The following ASPM variants were observed in gnomAD, a reference collection of about 807,000 sequenced individuals.
ASPM encodes the protein abnormal spindle-like microcephaly-associated protein.
A neutral mutation model predicts 366.4 loss-of-function variants in ASPM; 256 were observed. That is an observed-to-expected ratio of 0.70 (90% confidence interval 0.63 to 0.77). ASPM has a LOEUF of 0.77. ASPM is among the 30% of genes least tolerant of loss of function. ASPM has a pLI of 0.00. For missense variants in ASPM, 4,146 were observed against 4,090.4 expected (o/e 1.01, Z -0.37); for synonymous variants, 1,414 against 1,342.9 (o/e 1.05, Z -1.16).
rs1657243764 is a variant in ASPM at position 197,102,834 on chromosome 1, C to T, written c.6417G>A (p.Met2139Ile). The T allele has an allele frequency of 6.2e-7, 1 of 1,612,376 alleles. No homozygotes were observed. Among genetic ancestry groups the T allele is most frequent in the Non-Finnish European group, 8.5e-7 (1 of 1,179,206 alleles). Residue 2139 changes from methionine to isoleucine, a missense_variant, in exon 18 of 28, where the codon ATG (methionine) becomes ATA (isoleucine). By Grantham distance (10) the Met-to-Ile change is conservative (BLOSUM62 1). Transcript: ENST00000367409. ...CTTGAATAACAATAGCTGCTTTTCT[C>T]ATTGTATGGTAACTTATTCTTGACT... ...MHQSRISYHTMRKAAIVIQVR... is the reference protein window; with the variant it reads ...MHQSRISYHTIRKAAIVIQVR...
chr1:197,097,507 T>C (rs1002335736), intron 18 of ASPM, among the ~76,000 whole-genome samples: 2 of 151,758 alleles, frequency 1.3e-5, no homozygotes, highest in African/African-American at 4.8e-5. Flanking sequence ...ACAAATACTA[T>C]AGGCACAACG....
In ASPM at chr1:197,104,976, A is replaced by T; in HGVS notation, c.4275T>A (p.Leu1425=). 6.2e-7 allele frequency: 1 copy of T among 1,611,842 alleles called. No individual in the cohort carries two copies. The highest frequency in any genetic ancestry group is 8.5e-7 in the Non-Finnish European group (1 of 1,178,938). ...QRYEMLKSST[L]IIQSMFRKWK... is the part of the protein sequence containing the mutation. ...ATTTTCTGAACATAGATTGGATTAT[A>T]AGAGTTGATGATTTTAGCATTTCAT... Residue 1425 remains leucine (L), a synonymous_variant, in exon 18 of 28, where the codon CTT becomes CTA. Transcript: ENST00000367409.
chr1:197,143,022 T>C lies in ASPM; in HGVS notation c.1230A>G (p.Thr410=), dbSNP rs755461768. ...TTTCATTTGATAATGGTACTTTACA[T>C]GTTTGCTGAGATGTACACATATATG... is the stretch of plus-strand genomic sequence containing the variant. ...NMAYMCTSQQ[T]CKVPLSNENS... is the part of the protein sequence containing the mutation. Residue 410 remains threonine (T), a synonymous_variant, in exon 3 of 28, where the codon ACA becomes ACG. Transcript: ENST00000367409. 6.2e-7 allele frequency: 1 copy of C among 1,613,538 alleles called. No homozygotes were observed. Among genetic ancestry groups the C allele is most frequent in the Non-Finnish European group, 8.5e-7 (1 of 1,179,526 alleles).
Position 197,129,190 on chromosome 1 carries a change from G to T in ASPM, c.2757C>A (p.Phe919Leu). The T allele has an allele frequency of 1.2e-6, 2 of 1,612,050 alleles. No homozygotes were observed. The highest frequency in any genetic ancestry group is 2.2e-5 in the South Asian group (2 of 90,822). ...DPCLFCKDAEFKASKEILLAF... is the reference protein window; with the variant it reads ...DPCLFCKDAELKASKEILLAF... ...AAGCATACAATGAAAAGCATACCTT[G>T]AATTCGGCATCTTTACAGAAGAGAC... Residue 919 changes from phenylalanine to leucine, a missense_variant, in exon 9 of 28, where the codon TTC becomes TTA. Phe to Leu is a conservative substitution (Grantham distance 22). This residue lies in a region of ASPM where 3,624 missense variants were observed against 3,591.7 expected (regional missense o/e 1.01). Coordinates refer to ENST00000367409, the MANE Select transcript of ASPM (RefSeq NM_018136.5).
chr1:197,110,780 T>G (rs1447093983), intron 17 of ASPM, among the ~76,000 whole-genome samples: 1 of 151,762 alleles, frequency 6.6e-6, no homozygotes, highest in Admixed American at 6.6e-5. Context: ...TAGAAAAGGG[T>G]AGAGAACCCA....
At position 197,102,581 on chromosome 1, in the gene ASPM, A is replaced by C. The variant is rs1657232959; in HGVS notation, c.6670T>G (p.Trp2224Gly). 6.2e-7 allele frequency: 1 copy of C among 1,612,066 alleles called. No individual in the cohort carries two copies. Among genetic ancestry groups the C allele is most frequent in the Admixed American group, 1.7e-5 (1 of 59,730 alleles). Residue 2224 changes from tryptophan to glycine, a missense_variant, in exon 18 of 28, where the codon TGG becomes GGG. By Grantham distance (184) the Trp-to-Gly change is radical (BLOSUM62 -2). This residue lies in a region of ASPM where 3,624 missense variants were observed against 3,591.7 expected (regional missense o/e 1.01). Coordinates refer to ENST00000367409, the MANE Select transcript of ASPM (RefSeq NM_018136.5). ...TGTATGTTTCTTTCTTTCATTGCCC[A>C]GTATCTTTGCTGTACTGTTTTTGTT... The part of the protein sequence containing the change: ...KITKTVQQRY[W>G]AMKERNIQFQ...
chr1:197,084,673 T>C (rs1036419434), intron 27 of ASPM, among the ~76,000 whole-genome samples: 3 of 152,150 alleles, frequency 2.0e-5, no homozygotes, highest in African/African-American at 7.2e-5. Context: ...CCACTGCCTT[T>C]TGGTCATCAG....
rs368657502 is a variant in ASPM, at chr1:197,091,061, T to C, written c.9445-20A>G. ...CCATCTCTGTTTAAAACATAGAATT[T>C]TGTTTTTCATTTCTACTTCAGGTTT... On this transcript the variant is annotated intron_variant, in intron 22 of 27. Coordinates refer to ENST00000367409, the MANE Select transcript of ASPM (RefSeq NM_018136.5). 19 of 1,581,020 alleles carry C rather than the reference T, an allele frequency of 1.2e-5. No homozygotes were observed. The highest frequency in any genetic ancestry group is 1.6e-5 in the Non-Finnish European group (19 of 1,153,710).
At chr1:197,124,994 A>C (rs368323428) in intron 11 of ASPM, 39 bp from the exon 12 acceptor site, 1 of 1,606,026 alleles carries the variant, frequency 6.2e-7, no homozygotes, top group African/African-American at 1.3e-5. Context: ...TAATGTACGC[A>C]CATATCAATA....
Position 197,124,255 on chromosome 1 carries a change from G to A in ASPM, c.3245C>T (p.Thr1082Ile). The change falls in exon 13 of 28, where the codon ACA (threonine) becomes ATA (isoleucine). Residue 1082 changes from threonine to isoleucine, a missense_variant. Coordinates refer to ENST00000367409, the MANE Select transcript of ASPM (RefSeq NM_018136.5). ...FLKHTKSIKK[T>I]ISLLSCHSDD... ...AGAATGGCATGATAGTAGAGATATT[G>A]TTTTCTTTATACTCTTTGTGTGTTT... 6 of 1,607,842 alleles carry A rather than the reference G, an allele frequency of 3.7e-6. No individual in the cohort carries two copies. Among genetic ancestry groups the A allele is most frequent in the Non-Finnish European group, 5.1e-6 (6 of 1,175,122 alleles).
Position 197,142,373 on chromosome 1 carries a change from G to A in ASPM, c.1879C>T (p.Arg627Cys), listed in dbSNP as rs778523464. ...TKNVTTPISKRISNREKLNLK... is the reference protein window; with the variant it reads ...TKNVTTPISKCISNREKLNLK... ...TTTAATTTCTCTCTGTTGCTAATACGTTTTGAGATGGGTGTTGTCACATTT... is the reference window on the plus strand; with the variant it reads ...TTTAATTTCTCTCTGTTGCTAATACATTTTGAGATGGGTGTTGTCACATTT... Residue 627 changes from arginine to cysteine, a missense_variant, in exon 3 of 28, where the codon CGT becomes TGT. Physicochemically the swap from Arg to Cys is radical, Grantham distance 180. Around this residue, in one of 3 missense-constraint regions of ASPM, gnomAD observed 3,624 missense variants for 3,591.7 expected, o/e 1.01. Transcript: ENST00000367409. The A allele has an allele frequency of 9.9e-6, 16 of 1,613,794 alleles. No homozygotes were observed. Among genetic ancestry groups the A allele is most frequent in the South Asian group, 5.5e-5 (5 of 91,062 alleles).
chr1:197,124,665 AG>A (rs955313794), intron 12 of ASPM, among the ~76,000 whole-genome samples: 1 of 151,810 alleles, frequency 6.6e-6, no homozygotes, highest in African/African-American at 2.4e-5. Context: ...CCTACTTTGC[AG>A]GTGTGGTGAA....
At chr1:197,128,455 C>T (rs1288724109) in intron 10 of ASPM, 35 bp downstream of exon 10, 13 of 1,575,538 alleles carry the variant, frequency 8.3e-6, no homozygotes, top group Non-Finnish European at 1.1e-5. Flanking sequence ...TTAGTCTATT[C>T]CATTAAGCAA....
At position 197,101,896 on chromosome 1, in the gene ASPM, T is replaced by C. The variant is rs1657200840; in HGVS notation, c.7355A>G (p.Tyr2452Cys). The change falls in exon 18 of 28, where the codon TAC becomes TGC. Residue 2452 changes from tyrosine to cysteine, a missense_variant. By Grantham distance (194) the Tyr-to-Cys change is radical (BLOSUM62 -2). Coordinates refer to ENST00000367409, the MANE Select transcript of ASPM (RefSeq NM_018136.5). ...RATICAKHKL[Y>C]QFLHLRKAAI... ...TGCCTTTCTTAAGTGCAAGAATTGG[T>C]ACAATTTATGTTTGGCACAAATGGT... The C allele has an allele frequency of 1.9e-6, 3 of 1,612,786 alleles. No homozygotes were observed. Among genetic ancestry groups the C allele is most frequent in the African/African-American group, 1.3e-5 (1 of 74,804 alleles).
At chr1:197,145,759 T>C (rs1658747104) in intron 1 of ASPM, among the ~76,000 whole-genome samples, 1 of 151,994 alleles carries the variant, frequency 6.6e-6, no homozygotes, top group Non-Finnish European at 1.5e-5. Flanking sequence ...GAAGTCTATA[T>C]AACTTGCTCC....
intron 16 of ASPM, 76 bp downstream of exon 16, chr1:197,121,839 A>C: frequency 6.7e-7 from 1 of 1,493,178 alleles, no homozygotes; most frequent in Non-Finnish European, 9.3e-7. Flanking sequence ...AAAATGTAAA[A>C]TCATATCAAA....
At chr1:197,119,829 A>C (rs1299510734) in intron 16 of ASPM, among the ~76,000 whole-genome samples, 1 of 152,108 alleles carries the variant, frequency 6.6e-6, no homozygotes, top group Non-Finnish European at 1.5e-5. Context: ...TACTTGACAA[A>C]GTTTCTTTGT....
At position 197,143,179 on chromosome 1, in the gene ASPM, G is replaced by A. The variant is rs1192263635; in HGVS notation, c.1073C>T (p.Ala358Val). 4 of 1,613,274 alleles carry A rather than the reference G, an allele frequency of 2.5e-6. No homozygotes were observed. The highest frequency in any genetic ancestry group is 2.2e-5 in the East Asian group (1 of 44,842). ...TAAAATTTTCTGATAAATTTCATGT[G>A]CAATTGTTGATTCCAAATGCACAGG... ...SQPVHLESTI[A>V]HEIYQKILSP... Residue 358 changes from alanine (A) to valine (V), a missense_variant, in exon 3 of 28, where the codon GCA becomes GTA. Physicochemically the swap from Ala to Val is moderately conservative, Grantham distance 64. Coordinates refer to ENST00000367409, the MANE Select transcript of ASPM (RefSeq NM_018136.5).
chr1:197,084,478 G>C, intron 27 of ASPM, 52 bp from the exon 28 acceptor site: 1 of 1,267,222 alleles, frequency 7.9e-7, no homozygotes, highest in South Asian at 1.2e-5. Context: ...TCTCTTTAGA[G>C]TTACCTTCAC....
Sources: allele counts gnomAD v4.1 joint callset (sites outside exome capture counted in the v4.1 genomes callset), GRCh38; gene constraint gnomAD v4.1.1; regional missense constraint gnomAD v4.1.1; transcripts MANE v1.5; gene names NCBI Gene and HGNC (gene_info 2026-07-23, HGNC 2026-07-21).